TMEM266: variants seen among roughly 807,000 people sequenced by gnomAD.
TMEM266 encodes the protein Hv1 related protein 1.
Under a neutral mutation model 50.5 loss-of-function variants are expected in TMEM266, and 33 were observed. That is an observed-to-expected ratio of 0.65 (90% CI 0.50 to 0.87). TMEM266 has a LOEUF of 0.87. TMEM266 is among the 40% of genes least tolerant of loss of function. The pLI, the probability that TMEM266 is intolerant of heterozygous loss-of-function variation, is 0.00. For synonymous variants in TMEM266, 310 were observed against 292.3 expected, an observed-to-expected ratio of 1.06 and a Z score of -0.62; for missense variants, 655 against 695.1, an observed-to-expected ratio of 0.94 and a Z score of 0.65.
In TMEM266 at chr15:76,134,235, C is replaced by T. The variant is rs2037556953; in HGVS notation, c.-29C>T. On this transcript the variant is annotated 5_prime_UTR_variant, in exon 2 of 11. Coordinates refer to ENST00000388942, the MANE Select transcript of TMEM266 (RefSeq NM_152335.3). The stretch of plus-strand genomic sequence containing the variant: ...ATGCTGACAGCAGGCTTCAGGACAG[C>T]TGAGCCCCACTAAACACCAAGAAAA... 4.3e-6 allele frequency: 7 copies of T among 1,613,232 alleles called. No homozygotes were observed. The East Asian group carries it at 1.3e-4, about 31-fold the overall frequency.
At chr15:76,136,225 G>A (rs2037587083) in intron 2 of TMEM266, among the ~76,000 whole-genome samples, 1 of 152,184 alleles carries the variant, frequency 6.6e-6, no homozygotes, top group Admixed American at 6.5e-5. Context: ...TTACAGGCGT[G>A]AGCCACCATG....
intron 5 of TMEM266, among the ~76,000 whole-genome samples, chr15:76,167,284 C>T (rs2038112000): frequency 1.3e-5 from 2 of 151,916 alleles, no homozygotes. Flanking sequence ...TCCTGGCTAA[C>T]ATGGTGAAAC....
intron 5 of TMEM266, among the ~76,000 whole-genome samples, chr15:76,167,595 A>G (rs1417482200): frequency 6.6e-6 from 1 of 151,712 alleles, no homozygotes; most frequent in East Asian, 1.9e-4. Flanking sequence ...TCCGCCTCCC[A>G]GGTTCAAGCA....
intron 7 of TMEM266, among the ~76,000 whole-genome samples, chr15:76,171,845 G>A (rs1355253924): frequency 6.6e-6 from 1 of 152,218 alleles, no homozygotes; most frequent in Non-Finnish European, 1.5e-5. Flanking sequence ...CCAGAAGGTG[G>A]TGACAGACCA....
chr15:76,106,928 T>C (rs2037090224), intron 1 of TMEM266, among the ~76,000 whole-genome samples: 1 of 152,236 alleles, frequency 6.6e-6, no homozygotes, highest in Non-Finnish European at 1.5e-5. Context: ...CTTTCCTGCT[T>C]CTTCCAAGTC....
At chr15:76,071,323 C>T (rs2141984010) in intron 1 of TMEM266, among the ~76,000 whole-genome samples, 2 of 152,310 alleles carry the variant, frequency 1.3e-5, no homozygotes, top group Admixed American at 1.3e-4. Context: ...CTAGGCACAA[C>T]CCCACAAGAT....
chr15:76,087,130 A>G (rs1183533307), intron 1 of TMEM266, among the ~76,000 whole-genome samples: 1 of 152,168 alleles, frequency 6.6e-6, no homozygotes, highest in Non-Finnish European at 1.5e-5. Context: ...TATGCTTAAA[A>G]TGTGTGTATT....
intron 2 of TMEM266, among the ~76,000 whole-genome samples, chr15:76,136,106 G>A (rs1321595144): frequency 6.6e-6 from 1 of 152,130 alleles, no homozygotes; most frequent in Admixed American, 6.5e-5. Flanking sequence ...ACCACATCCG[G>A]CTAATTTTGT....
chr15:76,183,475 T>G (rs1331177261), intron 8 of TMEM266, among the ~76,000 whole-genome samples: 1 of 152,144 alleles, frequency 6.6e-6, no homozygotes, highest in Non-Finnish European at 1.5e-5. Context: ...AAAGTGAGGC[T>G]GGGGAATTGG....
intron 1 of TMEM266, among the ~76,000 whole-genome samples, chr15:76,063,941 G>A (rs1475219792): frequency 6.6e-6 from 1 of 152,166 alleles, no homozygotes; most frequent in Non-Finnish European, 1.5e-5. Context: ...AGCCGGTGTT[G>A]GGAAGAGAGG....
chr15:76,116,272 G>A (rs915092528), intron 1 of TMEM266, among the ~76,000 whole-genome samples: 1 of 109,510 alleles, frequency 9.1e-6, no homozygotes, highest in Non-Finnish European at 1.7e-5. Context: ...CTGTTCCTCC[G>A]CAGTCTTTGT....
At chr15:76,081,772 A>G (rs2036698343) in intron 1 of TMEM266, among the ~76,000 whole-genome samples, 1 of 152,198 alleles carries the variant, frequency 6.6e-6, no homozygotes, top group Non-Finnish European at 1.5e-5. Flanking sequence ...TGGTCACCAC[A>G]CTGCAAATCT....
At chr15:76,131,522 C>T (rs943983160) in intron 1 of TMEM266, among the ~76,000 whole-genome samples, 1 of 152,172 alleles carries the variant, frequency 6.6e-6, no homozygotes, top group African/African-American at 2.4e-5. Context: ...TGTGATCAAT[C>T]TTAGTCTCAG....
intron 1 of TMEM266, among the ~76,000 whole-genome samples, chr15:76,101,813 TC>T (rs1245073718): frequency 1.3e-5 from 2 of 152,174 alleles, no homozygotes; most frequent in Non-Finnish European, 2.9e-5. Flanking sequence ...GCAGGTCATT[TC>T]CCCACGCCTG....
intron 9 of TMEM266, among the ~76,000 whole-genome samples, chr15:76,199,637 A>G (rs1426333410): frequency 6.6e-6 from 1 of 152,176 alleles, no homozygotes; most frequent in Non-Finnish European, 1.5e-5. Flanking sequence ...GGGCAGTGTG[A>G]TCACATCGGA....
chr15:76,204,438 G>A lies in TMEM266; in HGVS notation c.*123G>A. The A allele has an allele frequency of 3.2e-6, 3 of 951,760 alleles. No homozygotes were observed. Among genetic ancestry groups the A allele is most frequent in the Non-Finnish European group, 3.1e-6 (2 of 649,188 alleles). 59.0% of individuals were successfully genotyped at this position (951,760 alleles called of 1,614,324 possible). ...CCCACCTGGCCTCCCTCAGGGTGCT[G>A]CCTGCCTCCAGGGAGGCGACGCCAG... On this transcript the variant is annotated 3_prime_UTR_variant, in exon 11 of 11. Coordinates refer to ENST00000388942, the MANE Select transcript of TMEM266 (RefSeq NM_152335.3).
At chr15:76,195,787 AGCC>A (rs1261521322) in intron 9 of TMEM266, among the ~76,000 whole-genome samples, 2 of 152,250 alleles carry the variant, frequency 1.3e-5, no homozygotes, top group African/African-American at 4.8e-5. Flanking sequence ...GTTGTCCCTC[AGCC>A]AATGACCTAT....
chr15:76,159,708 C>G (rs918035306), intron 4 of TMEM266, among the ~76,000 whole-genome samples: 9 of 152,272 alleles, frequency 5.9e-5, no homozygotes, highest in Admixed American at 4.6e-4. Flanking sequence ...GCCCATCCAG[C>G]CTCAACTGAA....
intron 1 of TMEM266, among the ~76,000 whole-genome samples, chr15:76,129,207 C>T (rs576941992): frequency 2.0e-4 from 30 of 152,228 alleles, no homozygotes; most frequent in African/African-American, 7.2e-4. Context: ...AAAAGAGGGA[C>T]AAGAAGACAA....
Sources: gnomAD v4.1 joint callset for allele counts (sites outside exome capture counted in the v4.1 genomes callset) on GRCh38, gnomAD v4.1.1 for gene constraint, MANE v1.5 for transcripts, NCBI Gene and HGNC (gene_info 2026-07-23, HGNC 2026-07-21) for gene names.